Variants in FGD4 observed in about 807,000 individuals in gnomAD.
FGD4 encodes the protein FYVE, RhoGEF and PH domain containing 4.
Under a neutral mutation model 102.0 loss-of-function variants are expected in FGD4, and 42 were observed. The observed-to-expected ratio is 0.41, with a 90% CI of 0.32 to 0.53. The LOEUF is 0.53. FGD4 is among the 20% of genes least tolerant of loss of function. FGD4 has a pLI of 0.21. For missense variants in FGD4, 902 were observed against 1,078.2 expected, an observed-to-expected ratio of 0.84 and a Z score of 2.29; for synonymous variants, 380 against 375.7, an observed-to-expected ratio of 1.01 and a Z score of -0.13.
At chr12:32,586,451 A>T (rs532197276) in intron 4 of FGD4, among the ~76,000 whole-genome samples, 1 of 152,214 alleles carries the variant, frequency 6.6e-6, no homozygotes, top group Non-Finnish European at 1.5e-5. Flanking sequence ...GTCACTCTGT[A>T]TCCTGTTTTG....
At chr12:32,455,548 A>G (rs887257043) in intron 1 of FGD4, among the ~76,000 whole-genome samples, 1 of 152,180 alleles carries the variant, frequency 6.6e-6, no homozygotes, top group Non-Finnish European at 1.5e-5. Flanking sequence ...ATTTTAACGT[A>G]CAAAGGTATT....
intron 1 of FGD4, among the ~76,000 whole-genome samples, chr12:32,452,189 C>T (rs954600773): frequency 4.6e-5 from 7 of 152,152 alleles, no homozygotes; most frequent in Admixed American, 2.0e-4. Context: ...GGAAGCCATC[C>T]TGTTTCACTA....
intron 1 of FGD4, among the ~76,000 whole-genome samples, chr12:32,454,318 T>G (rs1942894462): frequency 6.6e-6 from 1 of 152,178 alleles, no homozygotes; most frequent in African/African-American, 2.4e-5. Flanking sequence ...GGATTAGCCT[T>G]TCGTTCTTTG....
At position 32,625,637 on chromosome 12, in the gene FGD4, C is replaced by G; in HGVS notation, c.2047-17C>G. 6.2e-7 allele frequency: 1 copy of G among 1,613,074 alleles called. No individual in the cohort carries two copies. On this transcript the variant is annotated splice_polypyrimidine_tract_variant and intron_variant, in intron 13 of 16. Transcript: ENST00000534526. ...TAGTTTTTTTCTATTAAAATTGAATCTTTCTTCCCTTTTTAGACTGCTGAG... is the reference window on the plus strand; with the variant it reads ...TAGTTTTTTTCTATTAAAATTGAATGTTTCTTCCCTTTTTAGACTGCTGAG...
At chr12:32,561,091 T>TTTTG (rs1944537020) in intron 1 of FGD4, among the ~76,000 whole-genome samples, 1 of 126,750 alleles carries the variant, frequency 7.9e-6, no homozygotes, top group East Asian at 2.3e-4. Flanking sequence ...TTTTTTTTTT[T>TTTTG]TTTTTTTTTT....
At chr12:32,526,168 CT>C in intron 1 of FGD4, among the ~76,000 whole-genome samples, 1 of 152,372 alleles carries the variant, frequency 6.6e-6, no homozygotes, top group East Asian at 1.9e-4. Flanking sequence ...GTCTTTATAT[CT>C]AGCTCAGGGA....
intron 1 of FGD4, among the ~76,000 whole-genome samples, chr12:32,532,112 T>C (rs536582512): frequency 3.5e-4 from 53 of 152,206 alleles, no homozygotes; most frequent in Non-Finnish European, 7.1e-4. Context: ...ATATATACTA[T>C]GTTTTCTCCT....
intron 1 of FGD4, among the ~76,000 whole-genome samples, chr12:32,521,077 T>C (rs1346183683): frequency 2.0e-5 from 3 of 152,024 alleles, no homozygotes; most frequent in Admixed American, 2.0e-4. Flanking sequence ...ACAGACAGGG[T>C]CCCTGTCCTC....
intron 1 of FGD4, among the ~76,000 whole-genome samples, chr12:32,525,758 G>A (rs1286891633): frequency 5.9e-5 from 9 of 152,332 alleles, no homozygotes; most frequent in South Asian, 4.1e-4. Flanking sequence ...GGTGGGCCCC[G>A]CACTCGGAGC....
chr12:32,413,429 A>G (rs1941286279), intron 1 of FGD4, among the ~76,000 whole-genome samples: 1 of 152,182 alleles, frequency 6.6e-6, no homozygotes, highest in Non-Finnish European at 1.5e-5. Flanking sequence ...TTATGCTGTC[A>G]TATTAATGAC....
chr12:32,593,154 A>G (rs1354029738), intron 4 of FGD4, among the ~76,000 whole-genome samples: 5 of 152,218 alleles, frequency 3.3e-5, no homozygotes, highest in Admixed American at 1.3e-4. Context: ...TGCTGTCTGT[A>G]AAATAGAAAT....
intron 1 of FGD4, among the ~76,000 whole-genome samples, chr12:32,418,114 G>T (rs1004277642): frequency 6.6e-6 from 1 of 151,666 alleles, no homozygotes; most frequent in Non-Finnish European, 1.5e-5. Context: ...CCGCCACCAC[G>T]CCCGGCTAAT....
At chr12:32,584,100 A>C (rs2136450189) in intron 4 of FGD4, among the ~76,000 whole-genome samples, 1 of 152,334 alleles carries the variant, frequency 6.6e-6, no homozygotes, top group East Asian at 1.9e-4. Context: ...TTTCCTATTA[A>C]ACTAGTGAAA....
At position 32,608,034 on chromosome 12, in the gene FGD4, G is replaced by T. The variant is rs1199369248; in HGVS notation, c.1482G>T (p.Met494Ile). The T allele has an allele frequency of 6.2e-7, 1 of 1,613,948 alleles. No individual in the cohort carries two copies. Among genetic ancestry groups the T allele is most frequent in the African/African-American group, 1.3e-5 (1 of 74,916 alleles). The change falls in exon 8 of 17, where the codon ATG becomes ATT. Residue 494 changes from methionine to isoleucine, a missense_variant. By Grantham distance (10) the Met-to-Ile change is conservative. Coordinates refer to ENST00000534526, the MANE Select transcript of FGD4 (RefSeq NM_001370298.3). ...EPVQRIPRYE[M>I]LLKDYLRKLP... is the part of the protein sequence containing the mutation. ...TTCAGCGGATTCCCCGGTATGAGAT[G>T]CTCCTTAAGGACTATCTAAGGAAAT...
chr12:32,414,477 AT>A (rs1433132843), intron 1 of FGD4, among the ~76,000 whole-genome samples: 1 of 152,136 alleles, frequency 6.6e-6, no homozygotes, highest in African/African-American at 2.4e-5. Context: ...GTCCAATTAA[AT>A]TATTGACTAT....
chr12:32,568,673 T>C (rs942448287), intron 2 of FGD4, among the ~76,000 whole-genome samples: 2 of 152,236 alleles, frequency 1.3e-5, no homozygotes, highest in Non-Finnish European at 2.9e-5. Context: ...CTTACATAAA[T>C]ATAGAGTACT....
At position 32,482,807 on chromosome 12, in the gene FGD4, T is replaced by C. The variant is rs186402647; in HGVS notation, c.167-81330T>C. On this transcript the variant is annotated intron_variant, in intron 1 of 16. Coordinates refer to ENST00000534526, the MANE Select transcript of FGD4 (RefSeq NM_001370298.3). ...ATAATTTTGACAAACTTTGGGAGGA[T>C]AAGCAGACGTTCTGCACTTTAGAAA... Among the ~76,000 whole-genome samples the C allele has an allele frequency of 7.2e-5, 11 of 152,348 alleles. 1 individual carries two copies. Among genetic ancestry groups the C allele is most frequent in the Non-Finnish European group, 1.5e-5 (1 of 68,026 alleles).
At chr12:32,630,610 C>G (rs957921975) in intron 14 of FGD4, among the ~76,000 whole-genome samples, 1 of 151,992 alleles carries the variant, frequency 6.6e-6, no homozygotes, top group Non-Finnish European at 1.5e-5. Flanking sequence ...GTCAGGAGAT[C>G]ATGACCATCC....
At chr12:32,509,472 T>C (rs1322725016) in intron 1 of FGD4, among the ~76,000 whole-genome samples, 1 of 152,120 alleles carries the variant, frequency 6.6e-6, no homozygotes, top group Non-Finnish European at 1.5e-5. Context: ...TGAAAAAAAT[T>C]CTGTACAACT....
Sources: allele counts gnomAD v4.1 joint callset (sites outside exome capture counted in the v4.1 genomes callset), GRCh38; gene constraint gnomAD v4.1.1; transcripts MANE v1.5; gene names NCBI Gene and HGNC (gene_info 2026-07-23, HGNC 2026-07-21).